Variants in FAT3 observed in about 807,000 individuals in gnomAD.
The protein encoded by FAT3 is protocadherin Fat 3.
A neutral mutation model predicts 310.2 loss-of-function variants in FAT3; 95 were observed. The observed-to-expected ratio is 0.31, with a 90% CI of 0.26 to 0.36. FAT3 has a LOEUF of 0.36. FAT3 is among the 10% of genes least tolerant of loss of function. The pLI is 1.00. For synonymous variants in FAT3, 2,314 were observed against 2,192.9 expected (o/e 1.06, Z -1.54); for missense variants, 5,408 against 5,715.6 (o/e 0.95, Z 1.74).
chr11:92,446,802 A>G (rs747890275), intron 2 of FAT3, among the ~76,000 whole-genome samples: 56 of 152,160 alleles, frequency 3.7e-4, no homozygotes, highest in Admixed American at 3.3e-4. Context: ...TGTATCATTG[A>G]AAGTGGAAAT....
intron 1 of FAT3, among the ~76,000 whole-genome samples, chr11:92,345,157 G>T (rs1041818763): frequency 4.6e-5 from 7 of 151,950 alleles, no homozygotes; most frequent in African/African-American, 1.7e-4. Flanking sequence ...TTCCTATTTG[G>T]ACTGATGTTC....
chr11:92,608,907 C>G (rs781779655), intron 3 of FAT3, among the ~76,000 whole-genome samples: 1 of 152,070 alleles, frequency 6.6e-6, no homozygotes, highest in Non-Finnish European at 1.5e-5. Flanking sequence ...CATACTGGTG[C>G]CATGCCCAGG....
At chr11:92,493,253 G>C (rs1328294025) in intron 2 of FAT3, among the ~76,000 whole-genome samples, 1 of 152,004 alleles carries the variant, frequency 6.6e-6, no homozygotes, top group Non-Finnish European at 1.5e-5. Context: ...TGGCCTCTTG[G>C]TTTGTTTGCA....
At position 92,843,954 on chromosome 11, in the gene FAT3, C is replaced by T; in HGVS notation, c.10587C>T (p.Pro3529=). 6.2e-7 allele frequency: 1 copy of T among 1,606,564 alleles called. No individual in the cohort carries two copies. The highest frequency in any genetic ancestry group is 8.5e-7 in the Non-Finnish European group (1 of 1,174,646). ...LCVQAKDSGK[P]QQVSHTYIRV... ...TTTAGGCAAAGGATTCAGGCAAACC[C>T]CAGCAAGTTTCTCACACTTACATCC... The change falls in exon 19 of 28, where the codon CCC becomes CCT. Residue 3529 remains proline (P), a synonymous_variant. Coordinates refer to ENST00000525166, the MANE Select transcript of FAT3 (RefSeq NM_001367949.2).
chr11:92,823,885 G>A (rs1948033646), intron 13 of FAT3, among the ~76,000 whole-genome samples: 1 of 151,980 alleles, frequency 6.6e-6, no homozygotes, highest in African/African-American at 2.4e-5. Flanking sequence ...TAATTCCATG[G>A]GCCTCTTCAT....
intron 13 of FAT3, among the ~76,000 whole-genome samples, chr11:92,821,822 G>T (rs564741416): frequency 6.6e-6 from 1 of 152,206 alleles, no homozygotes; most frequent in African/African-American, 2.4e-5. Flanking sequence ...ACCCCTCCCT[G>T]AATTATTTAC....
intron 2 of FAT3, among the ~76,000 whole-genome samples, chr11:92,361,190 T>C (rs375820676): frequency 3.2e-4 from 48 of 152,266 alleles, no homozygotes; most frequent in African/African-American, 1.1e-3. Context: ...GATATGATGT[T>C]CTCAAAGTGA....
At chr11:92,267,318 T>A (rs1434340113) in intron 1 of FAT3, among the ~76,000 whole-genome samples, 1 of 152,202 alleles carries the variant, frequency 6.6e-6, no homozygotes, top group South Asian at 2.1e-4. Context: ...AAAGAATTTC[T>A]AAGTAAATGC....
chr11:92,635,581 A>C (rs1403280006), intron 3 of FAT3, among the ~76,000 whole-genome samples: 1 of 152,188 alleles, frequency 6.6e-6, no homozygotes, highest in Non-Finnish European at 1.5e-5. Context: ...AAAATTATTT[A>C]AATTGACTTT....
chr11:92,884,176 C>T (rs529110311), intron 24 of FAT3, among the ~76,000 whole-genome samples: 1 of 152,294 alleles, frequency 6.6e-6, no homozygotes, highest in Non-Finnish European at 1.5e-5. Context: ...TAGAAGAACA[C>T]AGAGGAGGTC....
intron 1 of FAT3, among the ~76,000 whole-genome samples, chr11:92,294,157 C>T (rs1946785023): frequency 6.6e-6 from 1 of 152,002 alleles, no homozygotes; most frequent in Admixed American, 6.6e-5. Context: ...TAGACAATTG[C>T]CTTCTTGCTT....
chr11:92,411,066 T>C (rs1274593332), intron 2 of FAT3, among the ~76,000 whole-genome samples: 1 of 143,546 alleles, frequency 7.0e-6, no homozygotes, highest in Non-Finnish European at 1.5e-5. Flanking sequence ...TATAAATATA[T>C]ATAAATATAT....
chr11:92,367,266 A>T (rs1384036284), intron 2 of FAT3: 1 of 262,294 alleles, frequency 3.8e-6, no homozygotes, highest in Non-Finnish European at 7.6e-6. Flanking sequence ...CTGTCTGGGC[A>T]TGTGGTGCCA....
chr11:92,604,433 T>G (rs1940178668), intron 3 of FAT3, among the ~76,000 whole-genome samples: 1 of 152,208 alleles, frequency 6.6e-6, no homozygotes, highest in Admixed American at 6.5e-5. Flanking sequence ...GGATTATCTT[T>G]TCTGCAGGTG....
At chr11:92,726,738 A>G (rs1205528406) in intron 4 of FAT3, among the ~76,000 whole-genome samples, 1 of 151,646 alleles carries the variant, frequency 6.6e-6, no homozygotes, top group East Asian at 1.9e-4. Flanking sequence ...GGCCAAAATC[A>G]TCCTATGTCA....
At chr11:92,620,736 T>G (rs1941047664) in intron 3 of FAT3, among the ~76,000 whole-genome samples, 1 of 152,204 alleles carries the variant, frequency 6.6e-6, no homozygotes, top group East Asian at 1.9e-4. Context: ...TTAAAGTTAT[T>G]TCTTTTATGA....
At chr11:92,686,125 C>T (rs1943629107) in intron 3 of FAT3, among the ~76,000 whole-genome samples, 1 of 152,122 alleles carries the variant, frequency 6.6e-6, no homozygotes, top group South Asian at 2.1e-4. Flanking sequence ...TTGTATCATT[C>T]TTATGAGAGA....
At position 92,352,915 on chromosome 11, in the gene FAT3, T is replaced by G. The variant is rs188968079; in HGVS notation, c.803T>G (p.Val268Gly). ...AATGAACATGCCCCAACAATCCATG[T>G]AGTCACTCATGTTCCTTTCTCGTTG... The part of the protein sequence containing the change: ...RINEHAPTIH[V>G]VTHVPFSLEK... The change falls in exon 2 of 28, where the codon GTA becomes GGA. Residue 268 changes from valine (V) to glycine (G), a missense_variant. This residue lies in a region of FAT3 where 4,588 missense variants were observed against 4,809.8 expected (regional missense o/e 0.95). Transcript: ENST00000525166. 1.8e-5 allele frequency: 29 copies of G among 1,613,952 alleles called. No homozygotes were observed. The Admixed American group carries it at 3.3e-4, about 19-fold the overall frequency.
chr11:92,569,986 G>A (rs1032358233), intron 3 of FAT3, among the ~76,000 whole-genome samples: 3 of 152,130 alleles, frequency 2.0e-5, no homozygotes, highest in African/African-American at 4.8e-5. Flanking sequence ...CTGACCGTAT[G>A]TATTCTTTCA....
Sources: gnomAD v4.1 joint callset for allele counts (sites outside exome capture counted in the v4.1 genomes callset) on GRCh38, gnomAD v4.1.1 for gene constraint, gnomAD v4.1.1 regional missense constraint, MANE v1.5 for transcripts, NCBI Gene and HGNC (gene_info 2026-07-23, HGNC 2026-07-21) for gene names.